Variants in ANGPT1 observed in about 807,000 individuals in gnomAD.
ANGPT1 encodes angiopoietin-1.
A neutral mutation model predicts 62.2 loss-of-function variants in ANGPT1; 17 were observed. The ratio of observed to expected loss-of-function variants is 0.27; its 90% confidence interval spans 0.19 to 0.41. The LOEUF (loss-of-function observed/expected upper bound fraction) is 0.41, where lower values mean the gene tolerates loss of function less well. ANGPT1 is among the 10% of genes least tolerant of loss of function. The pLI is 1.00. For synonymous variants in ANGPT1, 199 were observed against 198.9 expected (o/e 1.00, Z 0.00); for missense variants, 478 against 594.9 (o/e 0.80, Z 2.04).
chr8:107,326,152 T>C (rs934298871), intron 3 of ANGPT1, among the ~76,000 whole-genome samples: 16 of 152,094 alleles, frequency 1.1e-4, no homozygotes, highest in African/African-American at 3.9e-4. Flanking sequence ...GAATAGACAG[T>C]GCATGTAATG....
chr8:107,407,919 A>G (rs1177766902), intron 1 of ANGPT1, among the ~76,000 whole-genome samples: 3 of 152,174 alleles, frequency 2.0e-5, no homozygotes, highest in African/African-American at 7.2e-5. Flanking sequence ...ACTTTCAAAG[A>G]CCATTGTTCC....
At chr8:107,288,250 T>C (rs1479829658) in intron 6 of ANGPT1, among the ~76,000 whole-genome samples, 2 of 152,134 alleles carry the variant, frequency 1.3e-5, no homozygotes, top group African/African-American at 2.4e-5. Context: ...CTGATTTCAA[T>C]TGGGACTAAA....
Position 107,329,646 on chromosome 8 carries a change from T to C in ANGPT1, c.575+6504A>G, listed in dbSNP as rs11998368. Among the ~76,000 whole-genome samples, 1,011 of 151,986 alleles carry C rather than the reference T, an allele frequency of 6.7e-3. 12 individuals are homozygous for C. The highest frequency in any genetic ancestry group is 0.023 in the African/African-American group (972 of 41,436). On this transcript the variant is annotated intron_variant, in intron 3 of 8. Transcript: ENST00000517746. ...TTTTTTCCACTATAAGTATTTTTAT[T>C]AGTTGTGTGTGTGTGTGAGTCTTTG...
rs1278858959 is a variant in ANGPT1 at position 107,403,556 on chromosome 8, C to A, written c.298-56459G>T. ...ATGATGATAAGGGTAAAGGGAGTAT[C>A]ACATGAAAAAAAATCAAGTTATAGG... On this transcript the variant is annotated intron_variant, in intron 1 of 8. Coordinates refer to ENST00000517746, the MANE Select transcript of ANGPT1 (RefSeq NM_001146.5). 4.0e-5 allele frequency among the ~76,000 whole-genome samples: 6 copies of A among 151,790 alleles called. No homozygotes were observed. The South Asian group carries it at 6.2e-4, about 16-fold the overall frequency.
chr8:107,325,706 T>A (rs1034945696), intron 3 of ANGPT1, among the ~76,000 whole-genome samples: 1 of 152,170 alleles, frequency 6.6e-6, no homozygotes, highest in African/African-American at 2.4e-5. Context: ...AAACCTCAAA[T>A]GAAAATGCAG....
chr8:107,382,060 T>A (rs946536190), intron 1 of ANGPT1, among the ~76,000 whole-genome samples: 2 of 152,176 alleles, frequency 1.3e-5, no homozygotes, highest in Non-Finnish European at 2.9e-5. Context: ...TCTTCCTGCC[T>A]CTATATTCTG....
chr8:107,467,240 A>G (rs917725841), intron 1 of ANGPT1, among the ~76,000 whole-genome samples: 4 of 151,914 alleles, frequency 2.6e-5, no homozygotes, highest in Admixed American at 6.6e-5. Context: ...CTATCAAAAG[A>G]TCACATGACC....
chr8:107,434,836 C>G (rs767134908), intron 1 of ANGPT1, among the ~76,000 whole-genome samples: 1 of 152,110 alleles, frequency 6.6e-6, no homozygotes, highest in African/African-American at 2.4e-5. Flanking sequence ...AATGTCCCCA[C>G]TGAATCATGT....
At chr8:107,363,029 T>C (rs896839759) in intron 1 of ANGPT1, among the ~76,000 whole-genome samples, 2 of 151,834 alleles carry the variant, frequency 1.3e-5, no homozygotes, top group African/African-American at 2.4e-5. Context: ...CATGAAGAGC[T>C]ATTTTTAACA....
chr8:107,343,614 G>T (rs1815742325), intron 2 of ANGPT1, among the ~76,000 whole-genome samples: 1 of 152,204 alleles, frequency 6.6e-6, no homozygotes. Context: ...CATCTTTAAG[G>T]CCATGAGGAA....
At chr8:107,456,141 A>G (rs1811911968) in intron 1 of ANGPT1, among the ~76,000 whole-genome samples, 2 of 152,090 alleles carry the variant, frequency 1.3e-5, no homozygotes, top group Non-Finnish European at 2.9e-5. Context: ...TACAGGCTCA[A>G]AAATGTCCTT....
chr8:107,285,017 CTCTTCA>C (rs916677927), intron 6 of ANGPT1, among the ~76,000 whole-genome samples, 169 bp from the exon 7 acceptor site: 7 of 151,992 alleles, frequency 4.6e-5, no homozygotes, highest in Non-Finnish European at 1.0e-4. Flanking sequence ...AATTCTGTGT[CTCTTCA>C]TCAAAGCTTC....
At chr8:107,303,210 C>T (rs1434988519) in intron 5 of ANGPT1, 30 bp downstream of exon 5, 1 of 1,605,122 alleles carries the variant, frequency 6.2e-7, no homozygotes, top group Non-Finnish European at 8.5e-7. Flanking sequence ...ATCTGGCTTA[C>T]ATCTTGTAAA....
intron 1 of ANGPT1, among the ~76,000 whole-genome samples, chr8:107,489,785 C>T (rs1271583381): frequency 6.6e-6 from 1 of 152,130 alleles, no homozygotes; most frequent in Non-Finnish European, 1.5e-5. Flanking sequence ...TGCCCTCCCT[C>T]CCTCAGACCA....
At chr8:107,477,194 T>C (rs1812556653) in intron 1 of ANGPT1, among the ~76,000 whole-genome samples, 1 of 152,188 alleles carries the variant, frequency 6.6e-6, no homozygotes, top group Admixed American at 6.6e-5. Context: ...CACCTACTCA[T>C]TCATTTATCC....
intron 1 of ANGPT1, among the ~76,000 whole-genome samples, chr8:107,382,567 C>T (rs1196671218): frequency 3.9e-5 from 6 of 152,050 alleles, no homozygotes; most frequent in Admixed American, 3.9e-4. Flanking sequence ...ATAGCATTTC[C>T]CATTTTCCAT....
chr8:107,352,234 C>A (rs1237000261), intron 1 of ANGPT1, among the ~76,000 whole-genome samples: 2 of 152,084 alleles, frequency 1.3e-5, no homozygotes, highest in African/African-American at 2.4e-5. Context: ...CAAAGATTGA[C>A]CATTTTTTAA....
chr8:107,277,701 T>C (rs1169753109), intron 7 of ANGPT1, among the ~76,000 whole-genome samples: 1 of 152,208 alleles, frequency 6.6e-6, no homozygotes, highest in East Asian at 1.9e-4. Context: ...AAATAGACAA[T>C]ATCATTTATT....
At chr8:107,281,222 A>C (rs1000182483) in intron 7 of ANGPT1, among the ~76,000 whole-genome samples, 17 of 152,166 alleles carry the variant, frequency 1.1e-4, no homozygotes, top group African/African-American at 4.1e-4. Context: ...TTAAAAAACA[A>C]CACCACAGTT....
Sources: gnomAD v4.1 joint callset for allele counts (sites outside exome capture counted in the v4.1 genomes callset) on GRCh38, gnomAD v4.1.1 for gene constraint, MANE v1.5 for transcripts, NCBI Gene and HGNC (gene_info 2026-07-23, HGNC 2026-07-21) for gene names.